FHIT: variants seen among roughly 807,000 people sequenced by gnomAD.
The protein encoded by FHIT is fragile histidine triad diadenosine triphosphatase.
FHIT carries 19 observed loss-of-function variants against 17.9 expected under a neutral mutation model. That is an observed-to-expected ratio of 1.06 (90% confidence interval 0.74 to 1.56). The LOEUF is 1.56. Among genes scored for constraint, FHIT ranks in the 40% most tolerant of loss-of-function variants. FHIT has a pLI of 0.00. For missense variants in FHIT, 248 were observed against 189.2 expected (o/e 1.31, Z -1.82); for synonymous variants, 81 against 69.7 (o/e 1.16, Z -0.81).
intron 5 of FHIT, among the ~76,000 whole-genome samples, chr3:60,211,066 C>T (rs1275443630): frequency 4.3e-4 from 32 of 73,876 alleles, no homozygotes; most frequent in African/African-American, 1.2e-3. Context: ...ACTATAAAAC[C>T]GTAAAAAAAA....
At chr3:59,828,697 G>A (rs984766290) in intron 8 of FHIT, among the ~76,000 whole-genome samples, 1 of 152,184 alleles carries the variant, frequency 6.6e-6, no homozygotes, top group African/African-American at 2.4e-5. Flanking sequence ...TTTCAGCCAT[G>A]TCATATCTTT....
intron 3 of FHIT, among the ~76,000 whole-genome samples, chr3:61,037,141 G>A (rs909055601): frequency 2.6e-5 from 4 of 152,034 alleles, no homozygotes; most frequent in Admixed American, 6.6e-5. Flanking sequence ...TCGATCTCCT[G>A]ACCTCGTGAT....
At chr3:60,554,118 A>G (rs1238708990) in intron 4 of FHIT, among the ~76,000 whole-genome samples, 1 of 152,136 alleles carries the variant, frequency 6.6e-6, no homozygotes, top group Non-Finnish European at 1.5e-5. Context: ...CGTATCAGGG[A>G]AAGACAGAAA....
At chr3:60,144,360 A>C (rs1321742099) in intron 5 of FHIT, among the ~76,000 whole-genome samples, 2 of 152,196 alleles carry the variant, frequency 1.3e-5, no homozygotes, top group African/African-American at 4.8e-5. Flanking sequence ...TTGAACACTC[A>C]TAATAACCCA....
At chr3:60,104,922 T>C (rs1157007857) in intron 5 of FHIT, among the ~76,000 whole-genome samples, 2 of 152,272 alleles carry the variant, frequency 1.3e-5, no homozygotes, top group South Asian at 2.1e-4. Context: ...AGATCAATGA[T>C]GGTTGTTTAA....
intron 4 of FHIT, among the ~76,000 whole-genome samples, chr3:60,543,876 C>A (rs1041652176): frequency 4.4e-5 from 6 of 137,582 alleles, no homozygotes; most frequent in Admixed American, 3.0e-4. Context: ...TCCAGAGTAG[C>A]TGGGACTACA....
chr3:60,636,908 CT>C (rs1261434451), intron 4 of FHIT, among the ~76,000 whole-genome samples: 1 of 152,250 alleles, frequency 6.6e-6, no homozygotes, highest in East Asian at 1.9e-4. Context: ...ACTCTGGGTT[CT>C]ATAGAAACCC....
At chr3:59,881,886 G>A (rs1559694850) in intron 8 of FHIT, among the ~76,000 whole-genome samples, 1 of 152,062 alleles carries the variant, frequency 6.6e-6, no homozygotes, top group Non-Finnish European at 1.5e-5. Context: ...ACAATAATGT[G>A]CCAGTTTTCT....
chr3:60,126,977 G>A (rs376488643), intron 5 of FHIT, among the ~76,000 whole-genome samples: 1 of 152,152 alleles, frequency 6.6e-6, no homozygotes, highest in African/African-American at 2.4e-5. Context: ...CATTTTTCCT[G>A]TGAAATTTCA....
At chr3:60,536,298 T>C (rs1373795212) in intron 5 of FHIT, 1 of 152,204 alleles carries the variant, frequency 6.6e-6, no homozygotes, top group Non-Finnish European at 1.5e-5. Context: ...TGCAAGCTGG[T>C]ATTTTTCCCA....
chr3:59,966,521 T>C (rs1707933153), intron 7 of FHIT, among the ~76,000 whole-genome samples: 1 of 152,184 alleles, frequency 6.6e-6, no homozygotes, highest in South Asian at 2.1e-4. Flanking sequence ...TACAGCTCTC[T>C]GCACAGCTAG....
chr3:60,133,700 GC>G (rs1363961569), intron 5 of FHIT, among the ~76,000 whole-genome samples: 1 of 151,668 alleles, frequency 6.6e-6, no homozygotes, highest in Admixed American at 6.6e-5. Context: ...ACTGGGCAGA[GC>G]CCTTCCAATG....
chr3:60,733,561 C>G (rs1297468873), intron 4 of FHIT, among the ~76,000 whole-genome samples: 1 of 152,192 alleles, frequency 6.6e-6, no homozygotes, highest in Non-Finnish European at 1.5e-5. Flanking sequence ...AACCAACCAT[C>G]CTTTCCACCA....
In FHIT at chr3:60,175,113, A is replaced by G. The variant is rs186836855; in HGVS notation, c.104-160961T>C. Among the ~76,000 whole-genome samples, 394 of 152,314 alleles carry G rather than the reference A, an allele frequency of 2.6e-3. 2 individuals carry two copies. The highest frequency in any genetic ancestry group is 8.9e-3 in the African/African-American group (372 of 41,586). ...CTTCTGTGACGATGACACTATGTCA[A>G]CCTATCCACAGAGCCCAGCAGTGTT... On this transcript the variant is annotated intron_variant, in intron 5 of 9. Coordinates refer to ENST00000492590, the MANE Select transcript of FHIT (RefSeq NM_002012.4).
chr3:61,237,242 T>A (rs2040255369), intron 1 of FHIT, among the ~76,000 whole-genome samples: 1 of 152,242 alleles, frequency 6.6e-6, no homozygotes, highest in Non-Finnish European at 1.5e-5. Flanking sequence ...AACAGTTGTT[T>A]ACTCTGCTTT....
intron 5 of FHIT, among the ~76,000 whole-genome samples, chr3:60,079,534 T>C (rs1576050260): frequency 1.3e-5 from 2 of 152,094 alleles, no homozygotes; most frequent in South Asian, 2.1e-4. Context: ...CCCTTCTCTT[T>C]GTCCCTTCAC....
intron 8 of FHIT, among the ~76,000 whole-genome samples, chr3:59,844,992 C>T (rs1481223121): frequency 6.6e-6 from 1 of 152,122 alleles, no homozygotes; most frequent in Non-Finnish European, 1.5e-5. Flanking sequence ...TAGGTCTATT[C>T]AGTGTTCATG....
chr3:59,919,142 T>C (rs1705282647), intron 8 of FHIT, among the ~76,000 whole-genome samples: 1 of 152,062 alleles, frequency 6.6e-6, no homozygotes, highest in African/African-American at 2.4e-5. Flanking sequence ...ATGGCGGTAA[T>C]GATCAAATGG....
intron 5 of FHIT, among the ~76,000 whole-genome samples, chr3:60,151,842 C>T (rs957041193): frequency 6.6e-6 from 1 of 152,158 alleles, no homozygotes; most frequent in Non-Finnish European, 1.5e-5. Context: ...AAATAAGGCC[C>T]CTTTCCTAAT....
Sources: gnomAD v4.1 joint callset for allele counts (sites outside exome capture counted in the v4.1 genomes callset) on GRCh38, gnomAD v4.1.1 for gene constraint, MANE v1.5 for transcripts, NCBI Gene and HGNC (gene_info 2026-07-23, HGNC 2026-07-21) for gene names.